The following PTPRZ1 variants were observed in gnomAD, a reference collection of about 807,000 sequenced individuals.
The protein encoded by PTPRZ1 is protein tyrosine phosphatase receptor type Z1.
A neutral mutation model predicts 214.1 loss-of-function variants in PTPRZ1; 82 were observed. The ratio of observed to expected loss-of-function variants is 0.38; its 90% CI spans 0.32 to 0.46. The LOEUF is 0.46. PTPRZ1 is among the 20% of genes least tolerant of loss of function. The pLI is 1.00. For missense variants in PTPRZ1, 2,603 were observed against 2,748.7 expected (o/e 0.95, Z 1.19); for synonymous variants, 945 against 987.9 (o/e 0.96, Z 0.81).
rs771406799 is a variant in PTPRZ1, at chr7:122,013,500, A to G, written c.4454A>G (p.Asn1485Ser). The G allele has an allele frequency of 2.5e-6, 4 of 1,614,056 alleles. No individual in the cohort carries two copies. The highest frequency in any genetic ancestry group is 2.7e-5 in the African/African-American group (2 of 74,948). Reference protein sequence around the residue: ...YSLSENSEEDNRVTSVSSDSQ... With the variant: ...YSLSENSEEDSRVTSVSSDSQ... ...CTATCTGAGAATTCTGAAGAAGATA[A>G]TAGAGTCACAAGTGTATCCTCAGAC... Residue 1485 changes from asparagine (N) to serine (S), a missense_variant, in exon 12 of 30, where the codon AAT becomes AGT. Asn to Ser is a conservative substitution (Grantham distance 46). Coordinates refer to ENST00000393386, the MANE Select transcript of PTPRZ1 (RefSeq NM_002851.3).
At chr7:121,883,496 A>G (rs752687445) in intron 1 of PTPRZ1, among the ~76,000 whole-genome samples, 2 of 152,202 alleles carry the variant, frequency 1.3e-5, no homozygotes, top group African/African-American at 2.4e-5. Context: ...GAAGGCCATC[A>G]TATTTATGTC....
Position 121,996,556 on chromosome 7 carries a change from A to T in PTPRZ1, c.1103A>T (p.Tyr368Phe), listed in dbSNP as rs775306897. 3 of 1,610,908 alleles carry T rather than the reference A, an allele frequency of 1.9e-6. No homozygotes were observed. The highest frequency in any genetic ancestry group is 1.6e-4 in the Middle Eastern group (1 of 6,074). The change falls in exon 9 of 30, where the codon TAT becomes TTT. Residue 368 changes from tyrosine (Y) to phenylalanine (F), a missense_variant. Tyr to Phe is a conservative substitution (Grantham distance 22, BLOSUM62 3). Transcript: ENST00000393386. ...AAGCATGAATTTTTGACAGATGGCT[A>T]TCAAGACTTGGTAACTATATGATCA... ...QTKHEFLTDGYQDLGAILNNL... is the reference protein window; with the variant it reads ...QTKHEFLTDGFQDLGAILNNL...
intron 11 of PTPRZ1, among the ~76,000 whole-genome samples, chr7:122,005,915 C>G (rs1027114613): frequency 6.6e-6 from 1 of 151,960 alleles, no homozygotes; most frequent in Admixed American, 6.6e-5. Context: ...ACGATCCATG[C>G]TTAGTTACTT....
In PTPRZ1 at chr7:122,011,986, T is replaced by C; in HGVS notation, c.2940T>C (p.Thr980=). Residue 980 remains threonine (T), a synonymous_variant, in exon 12 of 30, where the codon ACT becomes ACC. Transcript: ENST00000393386. The part of the protein sequence containing the change: ...PIPKSSLITP[T]ASLLQPTHAL... The stretch of plus-strand genomic sequence containing the variant: ...CTAAGTCTTCGTTAATAACCCCAAC[T>C]GCATCATTACTGCAGCCTACTCATG... 6.2e-7 allele frequency: 1 copy of C among 1,614,170 alleles called. No individual in the cohort carries two copies. The highest frequency in any genetic ancestry group is 1.1e-5 in the South Asian group (1 of 91,088).
intron 1 of PTPRZ1, among the ~76,000 whole-genome samples, chr7:121,905,952 A>G (rs1365333086): frequency 6.6e-6 from 1 of 152,104 alleles, no homozygotes; most frequent in Non-Finnish European, 1.5e-5. Context: ...GTTTATTTCT[A>G]TTTCAACTGC....
Position 122,039,483 on chromosome 7 carries a change from T to A in PTPRZ1, c.5532T>A (p.Asp1844Glu). The change falls in exon 20 of 30, where the codon GAT (aspartate) becomes GAA (glutamate). Residue 1844 changes from aspartate (D) to glutamate (E), a missense_variant. This residue lies in a region of PTPRZ1 where 1,913 missense variants were observed against 1,914.3 expected (regional missense o/e 1.00). Transcript: ENST00000393386. ...AATGTGATCAGTACTGGCCTGCCGA[T>A]GGGAGTGAGGAGTACGGGAACTTTC... ...RRKCDQYWPA[D>E]GSEEYGNFLV... 2.5e-6 allele frequency: 4 copies of A among 1,614,016 alleles called. No homozygotes were observed. The highest frequency in any genetic ancestry group is 3.4e-6 in the Non-Finnish European group (4 of 1,179,960).
chr7:122,010,119 G>A (rs1798601477), intron 11 of PTPRZ1, among the ~76,000 whole-genome samples: 1 of 151,974 alleles, frequency 6.6e-6, no homozygotes, highest in Non-Finnish European at 1.5e-5. Context: ...AAATAAAGGC[G>A]GCCATAAATT....
At chr7:121,905,688 A>G (rs1795095746) in intron 1 of PTPRZ1, among the ~76,000 whole-genome samples, 2 of 73,526 alleles carry the variant, frequency 2.7e-5, no homozygotes, top group Admixed American at 2.7e-4. Context: ...AATGGTGGGC[A>G]TCTGTGCTTT....
At chr7:121,934,088 G>A (rs920102080) in intron 2 of PTPRZ1, among the ~76,000 whole-genome samples, 5 of 152,156 alleles carry the variant, frequency 3.3e-5, no homozygotes, top group Non-Finnish European at 7.4e-5. Flanking sequence ...CCTGGAGAGT[G>A]AGTCTCTAGA....
intron 1 of PTPRZ1, among the ~76,000 whole-genome samples, chr7:121,881,420 C>A (rs979635529): frequency 6.6e-6 from 1 of 152,210 alleles, no homozygotes; most frequent in African/African-American, 2.4e-5. Flanking sequence ...TCAAGTACTT[C>A]ATAATGTATG....
At chr7:121,985,677 A>G (rs1201171263) in intron 8 of PTPRZ1, among the ~76,000 whole-genome samples, 2 of 152,210 alleles carry the variant, frequency 1.3e-5, no homozygotes, top group Non-Finnish European at 2.9e-5. Flanking sequence ...CTAGGAGGCC[A>G]TCTCTGACTC....
chr7:121,954,985 A>G (rs1038904829), intron 2 of PTPRZ1, among the ~76,000 whole-genome samples: 2 of 152,196 alleles, frequency 1.3e-5, no homozygotes, highest in Admixed American at 1.3e-4. Context: ...CGATGACTCA[A>G]ATAGGAATCA....
intron 2 of PTPRZ1, among the ~76,000 whole-genome samples, chr7:121,929,515 A>C (rs921455235): frequency 1.3e-5 from 2 of 151,836 alleles, no homozygotes; most frequent in South Asian, 2.1e-4. Flanking sequence ...AAAAAAAAAA[A>C]AAAACTTTCA....
At chr7:122,023,317 G>A (rs1021846428) in intron 13 of PTPRZ1, among the ~76,000 whole-genome samples, 5 of 150,642 alleles carry the variant, frequency 3.3e-5, no homozygotes, top group Admixed American at 6.7e-5. Context: ...AGTTCTGCCC[G>A]GCATTTGCTA....
At position 122,059,794 on chromosome 7, in the gene PTPRZ1, C is replaced by T. The variant is rs762010169; in HGVS notation, c.6713C>T (p.Thr2238Ile). ...VTAGTFCALT[T>I]LMHQLEKENS... ...GCAGGAACTTTCTGTGCTCTGACAA[C>T]CCTTATGCACCAACTAGAAAAAGAA... The change falls in exon 29 of 30, where the codon ACC becomes ATC. Residue 2238 changes from threonine to isoleucine, a missense_variant. Around this residue, in one of 6 missense-constraint regions of PTPRZ1, gnomAD observed 165 missense variants for 151.4 expected, o/e 1.09. Transcript: ENST00000393386. The T allele has an allele frequency of 6.2e-7, 1 of 1,613,164 alleles. No individual in the cohort carries two copies. The highest frequency in any genetic ancestry group is 8.5e-7 in the Non-Finnish European group (1 of 1,179,654).
At chr7:122,034,254 A>G (rs1167299269) in intron 16 of PTPRZ1, 28 bp from the exon 17 acceptor site, 1 of 1,599,370 alleles carries the variant, frequency 6.3e-7, no homozygotes, top group Admixed American at 1.7e-5. Context: ...AATGTGTGTT[A>G]AAATGATTTA....
At chr7:121,980,958 C>G (rs1393289617) in intron 6 of PTPRZ1, among the ~76,000 whole-genome samples, 1 of 151,924 alleles carries the variant, frequency 6.6e-6, no homozygotes, top group Non-Finnish European at 1.5e-5. Flanking sequence ...TTGGCTAACA[C>G]GGTGAAACCC....
At chr7:121,884,318 A>G (rs1389631055) in intron 1 of PTPRZ1, among the ~76,000 whole-genome samples, 1 of 152,168 alleles carries the variant, frequency 6.6e-6, no homozygotes, top group Non-Finnish European at 1.5e-5. Flanking sequence ...GCATCTATAT[A>G]CACACCTAAA....
intron 1 of PTPRZ1, among the ~76,000 whole-genome samples, chr7:121,884,435 C>T (rs1794337569): frequency 6.6e-6 from 1 of 151,916 alleles, no homozygotes; most frequent in Non-Finnish European, 1.5e-5. Context: ...ACTGATACTG[C>T]TTTATTTTGA....
Sources: gnomAD v4.1 joint callset for allele counts (sites outside exome capture counted in the v4.1 genomes callset) on GRCh38, gnomAD v4.1.1 for gene constraint, gnomAD v4.1.1 regional missense constraint, MANE v1.5 for transcripts, NCBI Gene and HGNC (gene_info 2026-07-23, HGNC 2026-07-21) for gene names.